Variants in EBF1 observed in about 807,000 individuals in gnomAD.
EBF1 encodes transcription factor COE1.
EBF1 carries 10 observed loss-of-function variants against 68.4 expected under a neutral mutation model. The ratio of observed to expected loss-of-function variants is 0.15; its 90% confidence interval spans 0.09 to 0.25. EBF1 has a LOEUF of 0.25. Among genes scored for constraint, EBF1 ranks in the 10% least tolerant of loss-of-function variants. The probability of loss-of-function intolerance (pLI) is 1.00; values close to 1 mark genes in which losing one functional copy is unlikely to be tolerated. For synonymous variants in EBF1, 298 were observed against 299.8 expected, an observed-to-expected ratio of 0.99 and a Z score of 0.06; for missense variants, 509 against 794.4, an observed-to-expected ratio of 0.64 and a Z score of 4.32.
intron 10 of EBF1, 95 bp downstream of exon 10, chr5:158,777,318 T>C (rs946937285): frequency 7.6e-7 from 1 of 1,309,122 alleles, no homozygotes; most frequent in African/African-American, 1.5e-5. Context: ...AACTAGATTT[T>C]AAAATAAAAT....
chr5:159,056,206 T>A (rs1306116773), intron 6 of EBF1, among the ~76,000 whole-genome samples: 1 of 152,208 alleles, frequency 6.6e-6, no homozygotes, highest in Non-Finnish European at 1.5e-5. Flanking sequence ...CCTTTTAAAA[T>A]TAATTTTAGT....
intron 6 of EBF1, among the ~76,000 whole-genome samples, chr5:158,945,113 T>C (rs1366445847): frequency 6.6e-6 from 1 of 152,240 alleles, no homozygotes; most frequent in Non-Finnish European, 1.5e-5. Context: ...TTGTTGCAAT[T>C]GCCTTTAGTA....
chr5:158,845,631 T>G (rs1441387203), intron 6 of EBF1, among the ~76,000 whole-genome samples: 1 of 151,198 alleles, frequency 6.6e-6, no homozygotes, highest in Non-Finnish European at 1.5e-5. Flanking sequence ...TCTTTAAATG[T>G]TAAGGTCAAG....
At chr5:158,850,935 A>G (rs956471513) in intron 6 of EBF1, among the ~76,000 whole-genome samples, 1 of 152,110 alleles carries the variant, frequency 6.6e-6, no homozygotes, top group African/African-American at 2.4e-5. Context: ...TGAACCTGGG[A>G]GGCAGAAGTT....
intron 6 of EBF1, among the ~76,000 whole-genome samples, chr5:158,921,238 A>G (rs1808364682): frequency 6.6e-6 from 1 of 152,214 alleles, no homozygotes; most frequent in Admixed American, 6.5e-5. Context: ...CTTAATCCTT[A>G]ACAGGACAGC....
intron 10 of EBF1, among the ~76,000 whole-genome samples, chr5:158,748,348 T>A (rs574352673): frequency 2.1e-3 from 321 of 152,264 alleles, no homozygotes; most frequent in African/African-American, 7.2e-3. Flanking sequence ...TGAAAATGGT[T>A]ATGGAATCCA....
chr5:158,856,086 G>A (rs1013002363), intron 6 of EBF1, among the ~76,000 whole-genome samples: 1 of 152,196 alleles, frequency 6.6e-6, no homozygotes, highest in Non-Finnish European at 1.5e-5. Context: ...GGTATAGCAG[G>A]CTACAACAGA....
At chr5:159,009,208 C>T (rs1349282547) in intron 6 of EBF1, among the ~76,000 whole-genome samples, 2 of 152,218 alleles carry the variant, frequency 1.3e-5, no homozygotes, top group Admixed American at 1.3e-4. Context: ...CATATTAAAA[C>T]TCAGATGTCT....
intron 10 of EBF1, among the ~76,000 whole-genome samples, chr5:158,735,995 A>G (rs1765100905): frequency 6.6e-6 from 1 of 152,228 alleles, no homozygotes; most frequent in African/African-American, 2.4e-5. Context: ...TTATGCACTC[A>G]TACTAATCAC....
At chr5:158,917,077 A>C (rs1043147268) in intron 6 of EBF1, among the ~76,000 whole-genome samples, 1 of 152,170 alleles carries the variant, frequency 6.6e-6, no homozygotes, top group Non-Finnish European at 1.5e-5. Context: ...TGTCCTAACT[A>C]GCCAACTTCA....
intron 6 of EBF1, among the ~76,000 whole-genome samples, chr5:159,001,432 T>A (rs1397577761): frequency 6.6e-6 from 1 of 152,178 alleles, no homozygotes; most frequent in East Asian, 1.9e-4. Context: ...CTGGAATCTG[T>A]AGTTAAGAAA....
chr5:159,025,263 T>C (rs1561824008), intron 6 of EBF1, among the ~76,000 whole-genome samples: 1 of 152,214 alleles, frequency 6.6e-6, no homozygotes, highest in Non-Finnish European at 1.5e-5. Flanking sequence ...GCTCTGCTCT[T>C]CTTATATTTT....
intron 7 of EBF1, among the ~76,000 whole-genome samples, chr5:158,829,996 T>C (rs909561041): frequency 6.6e-6 from 1 of 152,240 alleles, no homozygotes; most frequent in Non-Finnish European, 1.5e-5. Flanking sequence ...TTTACATGGC[T>C]TTAAAGAACT....
At chr5:158,907,971 T>C (rs1250474564) in intron 6 of EBF1, among the ~76,000 whole-genome samples, 2 of 152,060 alleles carry the variant, frequency 1.3e-5, no homozygotes, top group East Asian at 3.8e-4. Context: ...GTGTAACTAA[T>C]AGCTGTAGAA....
At chr5:159,042,703 C>T (rs1365915320) in intron 6 of EBF1, among the ~76,000 whole-genome samples, 1 of 151,702 alleles carries the variant, frequency 6.6e-6, no homozygotes, top group Non-Finnish European at 1.5e-5. Context: ...AAAAAAAATC[C>T]GTCTTCTAAA....
At chr5:158,734,703 G>A (rs1249575148) in intron 10 of EBF1, among the ~76,000 whole-genome samples, 1 of 151,784 alleles carries the variant, frequency 6.6e-6, no homozygotes, top group East Asian at 1.9e-4. Context: ...CTCAAACTTG[G>A]GACAATTCCG....
chr5:159,061,119 AATTATT>A (rs767482582), intron 6 of EBF1, among the ~76,000 whole-genome samples: 1 of 151,638 alleles, frequency 6.6e-6, no homozygotes, highest in African/African-American at 2.4e-5. Context: ...GGTATTTCTT[AATTATT>A]ATTATTATTA....
intron 10 of EBF1, 134 bp downstream of exon 10, chr5:158,777,278 AT>A: frequency 9.6e-7 from 1 of 1,042,338 alleles, no homozygotes; most frequent in Non-Finnish European, 1.3e-6. Context: ...GGTCATACAT[AT>A]GGTAAAATGA....
intron 6 of EBF1, among the ~76,000 whole-genome samples, chr5:158,917,557 G>A (rs979308849): frequency 6.6e-5 from 10 of 152,198 alleles, no homozygotes; most frequent in African/African-American, 2.2e-4. Flanking sequence ...TAGTGGTTAT[G>A]TATTTATCTT....
Sources: gnomAD v4.1 joint callset for allele counts (sites outside exome capture counted in the v4.1 genomes callset) on GRCh38, gnomAD v4.1.1 for gene constraint, MANE v1.5 for transcripts, NCBI Gene and HGNC (gene_info 2026-07-23, HGNC 2026-07-21) for gene names.